The following ARHGAP6 variants were observed in gnomAD, a reference collection of about 807,000 sequenced individuals.
The protein encoded by ARHGAP6 is Rho GTPase activating protein 6, also known as rho GTPase-activating protein 6.
A neutral mutation model predicts 55.7 loss-of-function variants in ARHGAP6; 16 were observed. The ratio of observed to expected loss-of-function variants is 0.29; its 90% CI spans 0.19 to 0.44. The LOEUF (loss-of-function observed/expected upper bound fraction) is 0.44, where lower values mean the gene tolerates loss of function less well. Ranked by LOEUF, ARHGAP6 falls within the 20% of genes least tolerant of loss-of-function variation. The pLI, the probability that ARHGAP6 is intolerant of heterozygous loss-of-function variation, is 1.00. For synonymous variants in ARHGAP6, 382 were observed against 360.9 expected (o/e 1.06, Z -0.66); for missense variants, 698 against 808.9 (o/e 0.86, Z 1.66).
At chrX:11,348,279 T>A (rs961592220) in intron 1 of ARHGAP6, among the ~76,000 whole-genome samples, 6 of 112,362 alleles carry the variant, frequency 5.3e-5, no homozygotes, top group African/African-American at 1.9e-4. Flanking sequence ...ATACAGTGGT[T>A]TTGGTTCGTA....
In ARHGAP6 at chrX:11,299,141, A is replaced by G. The variant is rs143417337; in HGVS notation, c.589-44434T>C. 6.1e-3 allele frequency among the ~76,000 whole-genome samples: 688 copies of G among 111,874 alleles called. 14 individuals are homozygous for G. The highest frequency in any genetic ancestry group is 0.047 in the Admixed American group (500 of 10,540). ...ATGCTATACCTTTATGTTAAAGACA[A>G]ATTCCTCTAAATGGCTTGGTAATTA... On this transcript the variant is annotated intron_variant, in intron 1 of 12. Transcript: ENST00000337414.
At chrX:11,308,659 T>C (rs1188163979) in intron 1 of ARHGAP6, among the ~76,000 whole-genome samples, 1 of 112,130 alleles carries the variant, frequency 8.9e-6, no homozygotes, top group Non-Finnish European at 1.9e-5. Flanking sequence ...ATGTTTTGGC[T>C]CATCCTGGAT....
chrX:11,520,585 A>G (rs1603240646), intron 1 of ARHGAP6, among the ~76,000 whole-genome samples: 1 of 110,988 alleles, frequency 9.0e-6, no homozygotes, highest in Non-Finnish European at 1.9e-5. Flanking sequence ...GGTTGGTTCC[A>G]AGTCTTTCCT....
intron 1 of ARHGAP6, among the ~76,000 whole-genome samples, chrX:11,284,420 T>C (rs1238241866): frequency 1.8e-5 from 2 of 111,866 alleles, no homozygotes; most frequent in Non-Finnish European, 3.8e-5. Flanking sequence ...ATATCCATGA[T>C]AGGACCTCAT....
At chrX:11,627,440 A>C (rs10449068) in intron 1 of ARHGAP6, among the ~76,000 whole-genome samples, 3,454 of 112,256 alleles carry the variant, frequency 0.031, 71 homozygotes, top group Middle Eastern at 0.077. Flanking sequence ...TATAACAATT[A>C]AAATGGATAA....
At chrX:11,191,564 G>T (rs1210206176) in intron 3 of ARHGAP6, among the ~76,000 whole-genome samples, 1 of 109,798 alleles carries the variant, frequency 9.1e-6, no homozygotes, top group African/African-American at 3.3e-5. Flanking sequence ...AACAACCTTC[G>T]ACCCACTCTT....
intron 1 of ARHGAP6, among the ~76,000 whole-genome samples, chrX:11,263,585 T>C (rs1004805883): frequency 1.8e-5 from 2 of 111,508 alleles, no homozygotes; most frequent in Non-Finnish European, 3.8e-5. Flanking sequence ...ATAGGAGTGC[T>C]GCATGAGCTA....
chrX:11,407,148 T>A (rs1006465835), intron 1 of ARHGAP6, among the ~76,000 whole-genome samples: 3 of 111,431 alleles, frequency 2.7e-5, no homozygotes, highest in Non-Finnish European at 3.8e-5. Flanking sequence ...TCTCTCTGCA[T>A]TTTATCCCAC....
intron 1 of ARHGAP6, among the ~76,000 whole-genome samples, chrX:11,430,554 T>C (rs749871597): frequency 3.3e-4 from 37 of 112,204 alleles, no homozygotes; most frequent in Admixed American, 1.9e-3. Flanking sequence ...TGCAGAACTC[T>C]AAGAAGTCTG....
chrX:11,653,849 C>T (rs2052611478), intron 1 of ARHGAP6, among the ~76,000 whole-genome samples: 2 of 111,957 alleles, frequency 1.8e-5, no homozygotes, highest in South Asian at 7.5e-4. Context: ...ACCTCTGAAT[C>T]TGAGTCTCAG....
chrX:11,460,662 AT>A (rs1237600751), intron 1 of ARHGAP6, among the ~76,000 whole-genome samples: 1 of 111,901 alleles, frequency 8.9e-6, no homozygotes, highest in Non-Finnish European at 1.9e-5. Context: ...TCAGGCTGGA[AT>A]TTTCCACCGT....
chrX:11,433,422 G>T (rs1043128488), intron 1 of ARHGAP6, among the ~76,000 whole-genome samples: 7 of 111,341 alleles, frequency 6.3e-5, no homozygotes, highest in Non-Finnish European at 1.9e-5. Context: ...AGCCAGGGAG[G>T]GTATCCTTAA....
intron 1 of ARHGAP6, among the ~76,000 whole-genome samples, chrX:11,358,433 CTTTCTTTCTT>C (rs1312550280): frequency 0.033 from 953 of 28,706 alleles, 12 homozygotes; most frequent in African/African-American, 0.093. Context: ...TTAACTGTAT[CTTTCTTTCTT>C]TCTTTCTTTC....
chrX:11,437,802 A>G (rs981881197), intron 1 of ARHGAP6, among the ~76,000 whole-genome samples: 3 of 112,317 alleles, frequency 2.7e-5, no homozygotes, highest in African/African-American at 9.7e-5. Flanking sequence ...CTGCTCCAGA[A>G]CCCCACAGAG....
At chrX:11,590,452 A>C (rs1228786904) in intron 1 of ARHGAP6, among the ~76,000 whole-genome samples, 1 of 83,122 alleles carries the variant, frequency 1.2e-5, no homozygotes, top group East Asian at 3.2e-4. Context: ...TTGTTGAATT[A>C]TTAAACAAAA....
intron 1 of ARHGAP6, among the ~76,000 whole-genome samples, chrX:11,443,078 G>T (rs1021318281): frequency 4.5e-5 from 5 of 111,752 alleles, no homozygotes; most frequent in African/African-American, 1.6e-4. Context: ...AAATCATGAA[G>T]AGTCCTCTCC....
In ARHGAP6 at chrX:11,313,393, T is replaced by C. The variant is rs777793221; in HGVS notation, c.589-58686A>G. ...CACCTTTCATGCCTCCTCTCTTTCC[T>C]CCTGTTCTTCAAACACTCATGGACA... On this transcript the variant is annotated intron_variant, in intron 1 of 12. Transcript: ENST00000337414. Among the ~76,000 whole-genome samples the C allele has an allele frequency of 8.0e-5, 9 of 112,577 alleles. No homozygotes were observed. The East Asian group carries it at 2.5e-3, about 31-fold the overall frequency.
At chrX:11,277,578 T>C in intron 1 of ARHGAP6, among the ~76,000 whole-genome samples, 1 of 111,534 alleles carries the variant, frequency 9.0e-6, no homozygotes, top group East Asian at 2.8e-4. Flanking sequence ...TTCCACTTCA[T>C]ATAGATCAGC....
intron 1 of ARHGAP6, among the ~76,000 whole-genome samples, chrX:11,465,819 A>G (rs1223551691): frequency 8.9e-6 from 1 of 112,287 alleles, no homozygotes; most frequent in Non-Finnish European, 1.9e-5. Context: ...GCCACATGGT[A>G]GTCAGTGGCT....
Sources: gnomAD v4.1 joint callset for allele counts (sites outside exome capture counted in the v4.1 genomes callset) on GRCh38, gnomAD v4.1.1 for gene constraint, MANE v1.5 for transcripts, NCBI Gene and HGNC (gene_info 2026-07-23, HGNC 2026-07-21) for gene names.